FUT9: variants seen among roughly 807,000 people sequenced by gnomAD.
FUT9 encodes the protein fucosyltransferase 9, also known as 4-galactosyl-N-acetylglucosaminide 3-alpha-L-fucosyltransferase 9.
FUT9 carries 15 observed loss-of-function variants against 29.7 expected under a neutral mutation model. The observed-to-expected ratio is 0.51, with a 90% CI of 0.34 to 0.78. The LOEUF (loss-of-function observed/expected upper bound fraction) is 0.78, where lower values mean the gene tolerates loss of function less well. Ranked by LOEUF, FUT9 falls within the 30% of genes least tolerant of loss-of-function variation. FUT9 has a pLI of 0.01. For missense variants in FUT9, 319 were observed against 425.4 expected (o/e 0.75, Z 2.20); for synonymous variants, 169 against 153.7 (o/e 1.10, Z -0.74).
At chr6:96,115,210 A>AT (rs1396200482) in intron 2 of FUT9, among the ~76,000 whole-genome samples, 8 of 152,316 alleles carry the variant, frequency 5.3e-5, no homozygotes, top group African/African-American at 1.7e-4. Context: ...TCATGGCCAC[A>AT]TTTTTTAAAA....
chr6:96,197,874 C>T (rs1773654734), intron 2 of FUT9, among the ~76,000 whole-genome samples: 1 of 152,088 alleles, frequency 6.6e-6, no homozygotes, highest in Non-Finnish European at 1.5e-5. Flanking sequence ...GAACTTTGTT[C>T]TATAGCATGC....
intron 1 of FUT9, among the ~76,000 whole-genome samples, chr6:96,100,522 A>T (rs1394575747): frequency 6.6e-6 from 1 of 152,218 alleles, no homozygotes; most frequent in Non-Finnish European, 1.5e-5. Context: ...GATTAGAAGA[A>T]TTTCACATGT....
chr6:96,067,179 A>G (rs1770976446), intron 1 of FUT9, among the ~76,000 whole-genome samples: 1 of 144,080 alleles, frequency 6.9e-6, no homozygotes, highest in South Asian at 2.2e-4. Context: ...TGGATACATA[A>G]ACTCATTAGG....
chr6:96,084,449 C>A (rs552970203), intron 1 of FUT9, among the ~76,000 whole-genome samples: 64 of 152,186 alleles, frequency 4.2e-4, no homozygotes, highest in South Asian at 6.2e-4. Context: ...AAATATATAT[C>A]TAAATATCCC....
At chr6:96,051,987 A>G (rs1468987235) in intron 1 of FUT9, among the ~76,000 whole-genome samples, 1 of 152,130 alleles carries the variant, frequency 6.6e-6, no homozygotes, top group African/African-American at 2.4e-5. Flanking sequence ...AGCTGCTATG[A>G]AGAAATACCC....
chr6:96,088,733 A>G (rs1446973521), intron 1 of FUT9, among the ~76,000 whole-genome samples: 1 of 143,398 alleles, frequency 7.0e-6, no homozygotes, highest in Admixed American at 6.8e-5. Flanking sequence ...TTTCAAAAAT[A>G]CTCTTCATGT....
chr6:96,151,735 G>A (rs1045299525), intron 2 of FUT9, among the ~76,000 whole-genome samples: 1 of 152,122 alleles, frequency 6.6e-6, no homozygotes, highest in South Asian at 2.1e-4. Flanking sequence ...TTTCAGCTAC[G>A]ATATTTTGAA....
intron 2 of FUT9, among the ~76,000 whole-genome samples, chr6:96,136,538 A>G (rs1464229793): frequency 2.0e-5 from 3 of 151,932 alleles, no homozygotes; most frequent in African/African-American, 7.2e-5. Context: ...TTATCTTTAT[A>G]TTTTAGTTAT....
Position 96,098,884 on chromosome 6 carries a change from C to A in FUT9, c.-97-15155C>A, listed in dbSNP as rs899194781. 4.6e-5 allele frequency among the ~76,000 whole-genome samples: 7 copies of A among 152,224 alleles called. No homozygotes were observed. In the East Asian group the frequency reaches 1.4e-3, roughly 29 times the overall value. ...GGCATGGTACTGTCTGTTACTGTAA[C>A]TTTTCCCTGAGATACTGTTGTATAC... On this transcript the variant is annotated intron_variant, in intron 1 of 2. Coordinates refer to ENST00000302103, the MANE Select transcript of FUT9 (RefSeq NM_006581.4).
chr6:96,210,789 T>A lies in FUT9; in HGVS notation c.*6554T>A, dbSNP rs77619737. ...TGATAGGTAATTTGCAATTGAGATA[T>A]GGCAAAGAATTGTAGCATCCAAATT... is the stretch of plus-strand genomic sequence containing the variant. On this transcript the variant is annotated 3_prime_UTR_variant, in exon 3 of 3. Coordinates refer to ENST00000302103, the MANE Select transcript of FUT9 (RefSeq NM_006581.4). 5.1e-3 allele frequency: 853 copies of A among 166,988 alleles called. 2 individuals carry two copies. Among genetic ancestry groups the A allele is most frequent in the Non-Finnish European group, 8.0e-3 (544 of 67,996 alleles). 10.3% of individuals were successfully genotyped at this position (166,988 alleles called of 1,614,324 possible). A position where few individuals can be genotyped will look rare whatever the true frequency, so the allele number is the denominator to read the frequency against.
At chr6:96,089,040 T>C (rs908612097) in intron 1 of FUT9, among the ~76,000 whole-genome samples, 1 of 152,186 alleles carries the variant, frequency 6.6e-6, no homozygotes, top group Non-Finnish European at 1.5e-5. Context: ...ATTACTCTTC[T>C]ACATACTCTT....
chr6:96,196,682 G>C (rs4840241), intron 2 of FUT9, among the ~76,000 whole-genome samples: 111,677 of 151,926 alleles, frequency 0.74, 43,334 homozygotes, highest in South Asian at 0.92. Context: ...ACTGCACTCC[G>C]GCCTGGTGAC....
At chr6:96,102,029 T>C (rs1408876083) in intron 1 of FUT9, among the ~76,000 whole-genome samples, 1 of 152,142 alleles carries the variant, frequency 6.6e-6, no homozygotes, top group African/African-American at 2.4e-5. Context: ...AAAATATGTG[T>C]GTAAAGTCTC....
At chr6:96,127,680 C>G (rs1481872712) in intron 2 of FUT9, among the ~76,000 whole-genome samples, 1 of 152,148 alleles carries the variant, frequency 6.6e-6, no homozygotes, top group Non-Finnish European at 1.5e-5. Flanking sequence ...TTCTCCTCAA[C>G]CTTGCCAGCA....
intron 1 of FUT9, among the ~76,000 whole-genome samples, chr6:96,052,153 A>G (rs917916172): frequency 6.6e-6 from 1 of 152,148 alleles, no homozygotes; most frequent in Non-Finnish European, 1.5e-5. Context: ...CAAAAGGGGG[A>G]AAACCCCTTA....
At chr6:96,044,210 C>T (rs1225711201) in intron 1 of FUT9, among the ~76,000 whole-genome samples, 1 of 152,118 alleles carries the variant, frequency 6.6e-6, no homozygotes, top group Non-Finnish European at 1.5e-5. Context: ...TTTCCATTAC[C>T]TATAATTTGC....
intron 2 of FUT9, among the ~76,000 whole-genome samples, chr6:96,161,729 T>C (rs1772906115): frequency 1.3e-5 from 2 of 152,216 alleles, no homozygotes; most frequent in African/African-American, 4.8e-5. Context: ...TTATACATTA[T>C]GCAGATATTT....
chr6:96,078,405 CTTCTTTTTTTTTTTT>C (rs1771175746), intron 1 of FUT9, among the ~76,000 whole-genome samples: 2 of 45,194 alleles, frequency 4.4e-5, no homozygotes, highest in East Asian at 7.3e-4. Context: ...TCATATTAGT[CTTCTTTTTTTTTTTT>C]TTTTTTTTTT....
intron 1 of FUT9, among the ~76,000 whole-genome samples, chr6:96,083,001 A>G (rs1412043988): frequency 6.6e-6 from 1 of 152,016 alleles, no homozygotes; most frequent in East Asian, 1.9e-4. Flanking sequence ...TAGCTGGAAA[A>G]TGACAGTAGC....
Sources: gnomAD v4.1 joint callset for allele counts (sites outside exome capture counted in the v4.1 genomes callset) on GRCh38, gnomAD v4.1.1 for gene constraint, MANE v1.5 for transcripts, NCBI Gene and HGNC (gene_info 2026-07-23, HGNC 2026-07-21) for gene names.